Variants in USP14 observed in about 807,000 individuals in gnomAD.
USP14 encodes the protein ubiquitin carboxyl-terminal hydrolase 14.
USP14 carries 38 observed loss-of-function variants against 76.5 expected under a neutral mutation model. The ratio of observed to expected loss-of-function variants is 0.50; its 90% CI spans 0.38 to 0.65. The LOEUF is 0.65. Ranked by LOEUF, USP14 falls within the 30% of genes least tolerant of loss-of-function variation. The pLI, the probability that USP14 is intolerant of heterozygous loss-of-function variation, is 0.00. For missense variants in USP14, 467 were observed against 586.5 expected (o/e 0.80, Z 2.10); for synonymous variants, 192 against 191.7 (o/e 1.00, Z -0.01).
chr18:167,248 C>G (rs1244155503), intron 3 of USP14, among the ~76,000 whole-genome samples: 1 of 152,150 alleles, frequency 6.6e-6, no homozygotes, highest in Admixed American at 6.5e-5. Context: ...TGCCACTGCA[C>G]TCCAGCCTGG....
intron 5 of USP14, among the ~76,000 whole-genome samples, chr18:180,971 A>G (rs903521094): frequency 1.3e-5 from 2 of 151,404 alleles, no homozygotes; most frequent in Admixed American, 1.3e-4. Context: ...ATGGCTGAAT[A>G]GTATTTCATG....
chr18:170,643 C>T (rs1196572027), intron 3 of USP14, among the ~76,000 whole-genome samples: 3 of 152,046 alleles, frequency 2.0e-5, no homozygotes, highest in East Asian at 1.9e-4. Context: ...TCAAACTAGC[C>T]ACAACATTTT....
intron 15 of USP14, 58 bp downstream of exon 15, chr18:210,551 A>G (rs2143107114): frequency 2.3e-6 from 3 of 1,307,506 alleles, no homozygotes; most frequent in East Asian, 2.5e-5. Flanking sequence ...ATTTATTATA[A>G]ATTTTATAGC....
intron 5 of USP14, among the ~76,000 whole-genome samples, chr18:188,397 C>T (rs1464368665): frequency 4.0e-5 from 6 of 151,616 alleles, no homozygotes; most frequent in Admixed American, 6.6e-5. Flanking sequence ...CTGATACATT[C>T]GTATTCTTTC....
chr18:211,962 C>T lies in USP14; in HGVS notation c.*678C>T, dbSNP rs1598282254. The T allele has an allele frequency of 6.6e-6, 1 of 152,046 alleles. No homozygotes were observed. The highest frequency in any genetic ancestry group is 6.5e-5 in the Admixed American group (1 of 15,272). The allele number at this position is 152,046 out of a possible 1,614,324, so 9.4% of individuals were successfully genotyped here. A position where few individuals can be genotyped will look rare whatever the true frequency, so the allele number is the denominator to read the frequency against. On this transcript the variant is annotated 3_prime_UTR_variant, in exon 16 of 16. Coordinates refer to ENST00000261601, the MANE Select transcript of USP14 (RefSeq NM_005151.4). ...AACTTTGGAATGGCTTTGTAATAATCAGTCTTAAGAAAATGTTGACAAGCT... is the reference window on the plus strand; with the variant it reads ...AACTTTGGAATGGCTTTGTAATAATTAGTCTTAAGAAAATGTTGACAAGCT...
At chr18:205,430 C>T (rs141890538) in intron 13 of USP14, among the ~76,000 whole-genome samples, 7 of 152,258 alleles carry the variant, frequency 4.6e-5, no homozygotes, top group African/African-American at 1.7e-4. Context: ...CCTACCCCTT[C>T]CTTAATTCCT....
At chr18:158,831 GC>G in intron 1 of USP14, 117 bp downstream of exon 1, 1 of 1,252,648 alleles carries the variant, frequency 8.0e-7, no homozygotes, top group Non-Finnish European at 1.0e-6. Context: ...GGTGGGGTGC[GC>G]GGGGCCGGCG....
intron 3 of USP14, among the ~76,000 whole-genome samples, chr18:167,267 C>T (rs1162268828): frequency 5.3e-5 from 8 of 152,020 alleles, no homozygotes; most frequent in African/African-American, 1.9e-4. Flanking sequence ...GGCAACAGAG[C>T]GAGACTCCGT....
chr18:192,754 C>A, intron 5 of USP14, 88 bp from the exon 6 acceptor site: 1 of 1,260,844 alleles, frequency 7.9e-7, no homozygotes, highest in Non-Finnish European at 1.1e-6. Flanking sequence ...TTGAGGGTGT[C>A]ATAAGAACTC....
At position 163,415 on chromosome 18, in the gene USP14, G is replaced by T. The variant is rs1314596637; in HGVS notation, c.124G>T (p.Ala42Ser). 1 of 1,613,658 alleles carries T rather than the reference G, an allele frequency of 6.2e-7. No homozygotes were observed. The highest frequency in any genetic ancestry group is 1.7e-5 in the Admixed American group (1 of 59,968). The part of the protein sequence containing the change: ...QLFALTGVQP[A>S]RQKVMVKGGT... ...GTTTGCGTTGACTGGAGTCCAGCCT[G>T]CCAGACAGAAAGTTATGGTGAAAGG... The change falls in exon 2 of 16, where the codon GCC becomes TCC. Residue 42 changes from alanine to serine, a missense_variant. Ala to Ser is a moderately conservative substitution (Grantham distance 99). Coordinates refer to ENST00000261601, the MANE Select transcript of USP14 (RefSeq NM_005151.4).
chr18:167,066 C>G (rs948811579), intron 3 of USP14, among the ~76,000 whole-genome samples: 10 of 151,798 alleles, frequency 6.6e-5, no homozygotes, highest in African/African-American at 2.4e-4. Flanking sequence ...GTTTTGATTA[C>G]TAAAGCTTTA....
intron 7 of USP14, among the ~76,000 whole-genome samples, chr18:196,995 A>G (rs1251876891): frequency 3.3e-5 from 5 of 152,146 alleles, no homozygotes; most frequent in African/African-American, 7.2e-5. Flanking sequence ...TAAAATGACG[A>G]TAGGATTATG....
intron 13 of USP14, among the ~76,000 whole-genome samples, chr18:208,054 G>A (rs1428868978): frequency 3.3e-5 from 5 of 151,862 alleles, no homozygotes; most frequent in Non-Finnish European, 5.9e-5. Flanking sequence ...AGTCTGCTTA[G>A]AGATTTTACT....
At position 213,971 on chromosome 18, in the gene USP14, TAGATTAGA is replaced by T. The variant is rs1225591054; in HGVS notation, c.*2688_*2695del. The T allele has an allele frequency of 2.5e-5, 3 of 119,800 alleles. No individual in the cohort carries two copies. Among genetic ancestry groups the T allele is most frequent in the Admixed American group, 9.5e-5 (1 of 10,578 alleles). 7.4% of individuals were successfully genotyped at this position (119,800 alleles called of 1,614,324 possible). ...CATTTTCTGTAATGGACAAGATAGATAGATTAGATAGATAGATAGATAGATAGATGATG... is the reference window on the plus strand; with the variant it reads ...CATTTTCTGTAATGGACAAGATAGATTAGATAGATAGATAGATAGATGATG... On this transcript the variant is annotated 3_prime_UTR_variant, in exon 16 of 16. Transcript: ENST00000261601.
intron 3 of USP14, among the ~76,000 whole-genome samples, chr18:167,553 C>T (rs139745469): frequency 3.4e-4 from 51 of 151,936 alleles, no homozygotes; most frequent in African/African-American, 1.1e-3. Flanking sequence ...TCACGTATGC[C>T]GGAGCACAGT....
intron 3 of USP14, among the ~76,000 whole-genome samples, chr18:173,169 C>T (rs1343799574): frequency 1.3e-5 from 2 of 150,780 alleles, no homozygotes; most frequent in Non-Finnish European, 2.9e-5. Flanking sequence ...AGTGCAGTGG[C>T]ACGATCTCGG....
At chr18:193,748 T>C (rs546166746) in intron 6 of USP14, among the ~76,000 whole-genome samples, 2 of 152,372 alleles carry the variant, frequency 1.3e-5, no homozygotes, top group South Asian at 4.1e-4. Context: ...TTCATCCACA[T>C]TATGGCATGT....
chr18:182,959 G>A (rs1909825857), intron 5 of USP14, among the ~76,000 whole-genome samples: 1 of 152,200 alleles, frequency 6.6e-6, no homozygotes, highest in Non-Finnish European at 1.5e-5. Context: ...TGTTGTGGGC[G>A]AAGAGAAACC....
Position 158,558 on chromosome 18 carries a change from A to T in USP14, c.-141A>T. 1 of 814,344 alleles carries T rather than the reference A, an allele frequency of 1.2e-6. No homozygotes were observed. Among genetic ancestry groups the T allele is most frequent in the Non-Finnish European group, 1.9e-6 (1 of 538,114 alleles). 50.4% of individuals were successfully genotyped at this position (814,344 alleles called of 1,614,324 possible). On this transcript the variant is annotated 5_prime_UTR_variant, in exon 1 of 16. Transcript: ENST00000261601. ...TGCGTCATCGCCAGTGGCCGGTTTGAATGAGACTCGTCGCACCGAAGCCGC... is the reference window on the plus strand; with the variant it reads ...TGCGTCATCGCCAGTGGCCGGTTTGTATGAGACTCGTCGCACCGAAGCCGC...
Sources: allele counts gnomAD v4.1 joint callset (sites outside exome capture counted in the v4.1 genomes callset), GRCh38; gene constraint gnomAD v4.1.1; transcripts MANE v1.5; gene names NCBI Gene and HGNC (gene_info 2026-07-23, HGNC 2026-07-21).